Variants in ANTXR1 observed in about 807,000 individuals in gnomAD.
ANTXR1 encodes the protein anthrax toxin receptor 1.
A neutral mutation model predicts 78.1 loss-of-function variants in ANTXR1; 19 were observed. That is an observed-to-expected ratio of 0.24 (90% confidence interval 0.17 to 0.36). The LOEUF (loss-of-function observed/expected upper bound fraction) is 0.36. Among genes scored for constraint, ANTXR1 ranks in the 10% least tolerant of loss-of-function variants. ANTXR1 has a pLI of 1.00. For synonymous variants in ANTXR1, 273 were observed against 260.5 expected (o/e 1.05, Z -0.46); for missense variants, 518 against 718.6 (o/e 0.72, Z 3.19).
At chr2:69,217,159 A>T (rs1675198676) in intron 17 of ANTXR1, among the ~76,000 whole-genome samples, 1 of 152,192 alleles carries the variant, frequency 6.6e-6, no homozygotes, top group Non-Finnish European at 1.5e-5. Flanking sequence ...TTTGGAACTT[A>T]TAAGCCATCT....
chr2:69,051,679 A>G (rs1669938362), intron 3 of ANTXR1, among the ~76,000 whole-genome samples: 1 of 152,074 alleles, frequency 6.6e-6, no homozygotes, highest in South Asian at 2.1e-4. Flanking sequence ...ATTAATTTTT[A>G]AATATTTTAT....
chr2:69,166,656 A>G (rs778616389), intron 13 of ANTXR1, among the ~76,000 whole-genome samples: 31 of 152,184 alleles, frequency 2.0e-4, no homozygotes, highest in Non-Finnish European at 4.0e-4. Flanking sequence ...ATTATTTTCC[A>G]TTAAAATATT....
At chr2:69,022,574 T>G (rs1299254275) in intron 1 of ANTXR1, among the ~76,000 whole-genome samples, 2 of 152,140 alleles carry the variant, frequency 1.3e-5, no homozygotes, top group East Asian at 1.9e-4. Flanking sequence ...CAGTGGAAAT[T>G]GTAGACCTTG....
intron 10 of ANTXR1, among the ~76,000 whole-genome samples, chr2:69,109,075 G>GTC (rs1157391208): frequency 2.0e-5 from 3 of 152,104 alleles, no homozygotes; most frequent in African/African-American, 7.2e-5. Context: ...CGACTGTGAC[G>GTC]TCTTATTTAA....
intron 9 of ANTXR1, among the ~76,000 whole-genome samples, chr2:69,097,197 C>T (rs1671457544): frequency 6.6e-6 from 1 of 152,236 alleles, no homozygotes; most frequent in Non-Finnish European, 1.5e-5. Flanking sequence ...CCTCCAACTT[C>T]CACAGTTCAC....
At chr2:69,110,780 T>G (rs1172503668) in intron 10 of ANTXR1, among the ~76,000 whole-genome samples, 1 of 152,064 alleles carries the variant, frequency 6.6e-6, no homozygotes, top group African/African-American at 2.4e-5. Context: ...GAGAATGGCG[T>G]GAACCTGAGA....
chr2:69,204,915 G>A (rs908876665), intron 17 of ANTXR1, among the ~76,000 whole-genome samples: 6 of 152,178 alleles, frequency 3.9e-5, no homozygotes, highest in East Asian at 1.9e-4. Flanking sequence ...TCCACCTCTC[G>A]CTGCCTCCCA....
chr2:69,148,456 G>T (rs1027538698), intron 12 of ANTXR1, among the ~76,000 whole-genome samples: 1 of 152,196 alleles, frequency 6.6e-6, no homozygotes, highest in Non-Finnish European at 1.5e-5. Context: ...TCTGCTGGGA[G>T]CTATGGAACC....
chr2:69,076,788 A>C (rs922047560), intron 7 of ANTXR1, among the ~76,000 whole-genome samples: 3 of 152,344 alleles, frequency 2.0e-5, no homozygotes, highest in East Asian at 1.9e-4. Context: ...TTTTTTTAGA[A>C]GCCATACACA....
Position 69,193,353 on chromosome 2 carries a change from T to G in ANTXR1, c.1372T>G (p.Trp458Gly), listed in dbSNP as rs146995499. 690 of 1,613,900 alleles carry G rather than the reference T, an allele frequency of 4.3e-4. No homozygotes were observed. Among genetic ancestry groups the G allele is most frequent in the Non-Finnish European group, 5.5e-4 (649 of 1,179,970 alleles). The change falls in exon 17 of 18, where the codon TGG becomes GGG. Residue 458 changes from tryptophan to glycine, a missense_variant. Around this residue, in one of 5 missense-constraint regions of ANTXR1, gnomAD observed 192 missense variants for 230.2 expected, o/e 0.83. Transcript: ENST00000303714. ...ATTTCAGGGAAAACTCGATGCCTTG[T>G]GGGTCCTACTGAGGAAAGGATATGA... ...SPIKGKLDAL[W>G]VLLRKGYDRV...
rs192993930 is a variant in ANTXR1 at position 69,148,610 on chromosome 2, C to T, written c.952-3559C>T. 7.2e-5 allele frequency among the ~76,000 whole-genome samples: 11 copies of T among 152,194 alleles called. No homozygotes were observed. In the East Asian group the frequency reaches 1.2e-3, roughly 16 times the overall value. On this transcript the variant is annotated intron_variant, in intron 12 of 17. Transcript: ENST00000303714. ...TGTTAATGAGAATTAAATGAGTTAG[C>T]GTAAGGAAAGCATGTTAGTACATAG... is the stretch of plus-strand genomic sequence containing the variant.
intron 14 of ANTXR1, among the ~76,000 whole-genome samples, chr2:69,176,820 C>A (rs1008319075): frequency 1.3e-5 from 2 of 152,190 alleles, no homozygotes; most frequent in Non-Finnish European, 2.9e-5. Context: ...CAGTTATGTG[C>A]TCCTTTTCAT....
chr2:69,162,374 G>C (rs1441971310), intron 13 of ANTXR1, among the ~76,000 whole-genome samples: 3 of 152,178 alleles, frequency 2.0e-5, no homozygotes, highest in Admixed American at 2.0e-4. Context: ...ATGTGGGTGT[G>C]TATGTTTGTG....
In ANTXR1 at chr2:69,146,033, A is replaced by G. The variant is rs1673217278; in HGVS notation, c.952-6136A>G. ...AGGGAATTAAAGAAAGCCATGATGC[A>G]GGGATTTGGCCATTCAAGCCGGGCA... On this transcript the variant is annotated intron_variant, in intron 12 of 17. Coordinates refer to ENST00000303714, the MANE Select transcript of ANTXR1 (RefSeq NM_032208.3). The G allele has an allele frequency of 1.6e-5, 16 of 985,516 alleles. No homozygotes were observed. The South Asian group carries it at 6.6e-4, about 41-fold the overall frequency. The allele number at this position is 985,516 out of a possible 1,614,324, so 61.0% of individuals were successfully genotyped here. A position where few individuals can be genotyped will look rare whatever the true frequency, so the allele number is the denominator to read the frequency against.
chr2:69,027,756 A>T (rs1671391548), intron 1 of ANTXR1, among the ~76,000 whole-genome samples: 1 of 152,034 alleles, frequency 6.6e-6, no homozygotes, highest in African/African-American at 2.4e-5. Context: ...AAGATAAGTG[A>T]TTAAACAAAA....
At chr2:69,025,923 A>G (rs1671329005) in intron 1 of ANTXR1, among the ~76,000 whole-genome samples, 1 of 152,230 alleles carries the variant, frequency 6.6e-6, no homozygotes, top group African/African-American at 2.4e-5. Context: ...AGACAATATC[A>G]AAAGGAAAGG....
intron 1 of ANTXR1, among the ~76,000 whole-genome samples, chr2:69,038,373 AGT>A (rs887294826): frequency 6.6e-6 from 1 of 152,142 alleles, no homozygotes; most frequent in Non-Finnish European, 1.5e-5. Flanking sequence ...AATTAGCCAA[AGT>A]GGGGTTCAAG....
intron 12 of ANTXR1, among the ~76,000 whole-genome samples, chr2:69,146,716 C>A (rs550535567): frequency 6.6e-6 from 1 of 152,260 alleles, no homozygotes; most frequent in African/African-American, 2.4e-5. Context: ...AGTCAGGGAG[C>A]ACCCATTCTC....
intron 3 of ANTXR1, among the ~76,000 whole-genome samples, chr2:69,054,033 T>C (rs1670002222): frequency 6.6e-6 from 1 of 152,206 alleles, no homozygotes; most frequent in Non-Finnish European, 1.5e-5. Flanking sequence ...TATGTGTTTA[T>C]ATCTAAATAT....
Sources: allele counts gnomAD v4.1 joint callset (sites outside exome capture counted in the v4.1 genomes callset), GRCh38; gene constraint gnomAD v4.1.1; regional missense constraint gnomAD v4.1.1; transcripts MANE v1.5; gene names NCBI Gene and HGNC (gene_info 2026-07-23, HGNC 2026-07-21).